Variants in MAP3K21 observed in about 807,000 individuals in gnomAD.
MAP3K21 encodes mitogen-activated protein kinase kinase kinase MLK4.
Under a neutral mutation model 86.1 loss-of-function variants are expected in MAP3K21, and 63 were observed. The observed-to-expected ratio is 0.73, with a 90% CI of 0.60 to 0.90. MAP3K21 has a LOEUF of 0.90. MAP3K21 is among the 40% of genes least tolerant of loss of function. MAP3K21 has a pLI of 0.00. For missense variants in MAP3K21, 1,220 were observed against 1,367.7 expected (o/e 0.89, Z 1.70); for synonymous variants, 558 against 564.8 (o/e 0.99, Z 0.17).
At chr1:233,347,044 TTG>T (rs913400274) in intron 2 of MAP3K21, among the ~76,000 whole-genome samples, 6 of 151,524 alleles carry the variant, frequency 4.0e-5, no homozygotes, top group Admixed American at 2.6e-4. Flanking sequence ...CCTGGCTAAT[TTG>T]TGTGTGTGTG....
At chr1:233,334,748 C>T (rs1484163847) in intron 1 of MAP3K21, among the ~76,000 whole-genome samples, 2 of 152,162 alleles carry the variant, frequency 1.3e-5, no homozygotes, top group African/African-American at 4.8e-5. Context: ...TGCAAGAAAA[C>T]ACATCTACAG....
intron 2 of MAP3K21, among the ~76,000 whole-genome samples, chr1:233,350,255 T>TC (rs999629111): frequency 1.3e-5 from 2 of 152,146 alleles, no homozygotes; most frequent in Non-Finnish European, 2.9e-5. Flanking sequence ...TGTTTTTTTT[T>TC]CTGAATATTT....
intron 4 of MAP3K21, among the ~76,000 whole-genome samples, chr1:233,360,459 T>C (rs1276974810): frequency 6.6e-6 from 1 of 152,174 alleles, no homozygotes; most frequent in Non-Finnish European, 1.5e-5. Context: ...AAATAAATCA[T>C]TTCTCCTGCA....
At chr1:233,354,066 T>C in intron 3 of MAP3K21, 111 bp downstream of exon 3, 1 of 1,206,054 alleles carries the variant, frequency 8.3e-7, no homozygotes, top group Non-Finnish European at 1.1e-6. Flanking sequence ...CCAAGTACTT[T>C]TAAGTAACCC....
At chr1:233,345,115 C>T (rs938990973) in intron 1 of MAP3K21, among the ~76,000 whole-genome samples, 5 of 152,152 alleles carry the variant, frequency 3.3e-5, no homozygotes, top group South Asian at 2.1e-4. Context: ...GAAATAGTAA[C>T]GGTTTTACAC....
At position 233,382,763 on chromosome 1, in the gene MAP3K21, A is replaced by C. The variant is rs752976191; in HGVS notation, c.*52A>C. The C allele has an allele frequency of 1.4e-5, 21 of 1,475,328 alleles. No individual in the cohort carries two copies. The highest frequency in any genetic ancestry group is 2.0e-5 in the Non-Finnish European group (21 of 1,068,258). 91.4% of individuals were successfully genotyped at this position (1,475,328 alleles called of 1,614,324 possible). ...ATTTTTTTAAGGTGAACAAATGAAC[A>C]CAATGTATCTACCTTTGAACTGTTT... On this transcript the variant is annotated 3_prime_UTR_variant, in exon 10 of 10. Transcript: ENST00000366624.
intron 2 of MAP3K21, among the ~76,000 whole-genome samples, chr1:233,348,862 C>T (rs1197102420): frequency 6.6e-6 from 1 of 152,146 alleles, no homozygotes; most frequent in African/African-American, 2.4e-5. Context: ...CTGCCTGGCT[C>T]TCAGATTCAT....
At chr1:233,338,695 C>A (rs781506397) in intron 1 of MAP3K21, among the ~76,000 whole-genome samples, 1 of 152,092 alleles carries the variant, frequency 6.6e-6, no homozygotes, top group Non-Finnish European at 1.5e-5. Flanking sequence ...TGAAGGTGGG[C>A]AGAACAGCAG....
At chr1:233,370,394 G>A (rs12735977) in intron 5 of MAP3K21, among the ~76,000 whole-genome samples, 36,916 of 151,998 alleles carry the variant, frequency 0.24, 5,790 homozygotes, top group East Asian at 0.41. Flanking sequence ...CCATAACCTG[G>A]AATATAAATT....
chr1:233,378,797 A>G, intron 8 of MAP3K21, 134 bp from the exon 9 acceptor site: 1 of 690,504 alleles, frequency 1.4e-6, no homozygotes, highest in Admixed American at 3.0e-5. Flanking sequence ...AATCATTTGC[A>G]GAAATGAAAA....
chr1:233,346,998 C>A (rs1460368987), intron 2 of MAP3K21, among the ~76,000 whole-genome samples: 1 of 152,184 alleles, frequency 6.6e-6, no homozygotes, highest in East Asian at 1.9e-4. Flanking sequence ...TCCTCAGCTT[C>A]CTGAGTAGCT....
At chr1:233,335,456 A>C (rs577970894) in intron 1 of MAP3K21, among the ~76,000 whole-genome samples, 1 of 152,262 alleles carries the variant, frequency 6.6e-6, no homozygotes, top group Admixed American at 6.5e-5. Context: ...GATGCCGAGC[A>C]CTACTCACAA....
rs561578390 is a variant in MAP3K21 at position 233,353,705 on chromosome 1, A to C, written c.987-102A>C. ...GGGCTTTTCTGGAATAGAGTGTCCT[A>C]TTAGGAATGGATGAAGGTACTGAAG... On this transcript the variant is annotated intron_variant, in intron 2 of 9. Transcript: ENST00000366624. 22 of 1,135,412 alleles carry C rather than the reference A, an allele frequency of 1.9e-5. No individual in the cohort carries two copies. The South Asian group carries it at 5.7e-4, about 30-fold the overall frequency. The allele number at this position is 1,135,412 out of a possible 1,614,324, so 70.3% of individuals were successfully genotyped here.
At chr1:233,363,592 C>A (rs1008101409) in intron 5 of MAP3K21, among the ~76,000 whole-genome samples, 1 of 151,770 alleles carries the variant, frequency 6.6e-6, no homozygotes, top group Non-Finnish European at 1.5e-5. Flanking sequence ...ATCCCAGCTA[C>A]TCGGGAGGCT....
intron 8 of MAP3K21, 45 bp from the exon 9 acceptor site, chr1:233,378,886 G>C (rs201689273): frequency 7.7e-7 from 1 of 1,300,464 alleles, no homozygotes; most frequent in African/African-American, 1.5e-5. Flanking sequence ...AATGACTTTT[G>C]CTGTAAAATG....
chr1:233,345,931 A>C (rs1297859368), intron 1 of MAP3K21, among the ~76,000 whole-genome samples: 2 of 152,176 alleles, frequency 1.3e-5, no homozygotes, highest in East Asian at 3.9e-4. Flanking sequence ...CTACATTTTG[A>C]GCTCCAGTAA....
chr1:233,346,565 G>T lies in MAP3K21; in HGVS notation c.929G>T (p.Trp310Leu). The change falls in exon 2 of 10, where the codon TGG (tryptophan) becomes TTG (leucine). Residue 310 changes from tryptophan (W) to leucine (L), a missense_variant. This residue lies in a region of MAP3K21 where 89 missense variants were observed against 144.8 expected (regional missense o/e 0.61). Transcript: ENST00000366624. ...TKMSTAGTYA[W>L]MAPEVIKSSL... Reference sequence around the variant, plus strand: ...ATGAGCACAGCAGGCACCTATGCCTGGATGGCCCCCGAAGTGATCAAGTCT... The same window carrying T: ...ATGAGCACAGCAGGCACCTATGCCTTGATGGCCCCCGAAGTGATCAAGTCT... The T allele has an allele frequency of 1.2e-6, 2 of 1,613,958 alleles. No homozygotes were observed. Among genetic ancestry groups the T allele is most frequent in the Non-Finnish European group, 1.7e-6 (2 of 1,179,898 alleles).
chr1:233,370,656 T>G (rs957145634), intron 5 of MAP3K21, among the ~76,000 whole-genome samples: 4 of 152,216 alleles, frequency 2.6e-5, no homozygotes, highest in Admixed American at 2.6e-4. Flanking sequence ...AATGAACATA[T>G]GTCAAAGATT....
intron 6 of MAP3K21, chr1:233,373,925 A>G (rs1260588839): frequency 6.6e-6 from 1 of 152,338 alleles, no homozygotes; most frequent in African/African-American, 2.4e-5. Context: ...GGAAAGTAGG[A>G]AGGGACGAAG....
Sources: allele counts gnomAD v4.1 joint callset (sites outside exome capture counted in the v4.1 genomes callset), GRCh38; gene constraint gnomAD v4.1.1; regional missense constraint gnomAD v4.1.1; transcripts MANE v1.5; gene names NCBI Gene and HGNC (gene_info 2026-07-23, HGNC 2026-07-21).